Variants in GRID2 observed in about 807,000 individuals in gnomAD.
GRID2 encodes the protein glutamate ionotropic receptor delta type subunit 2.
GRID2 carries 33 observed loss-of-function variants against 114.8 expected under a neutral mutation model. That is an observed-to-expected ratio of 0.29 (90% CI 0.22 to 0.38). The LOEUF (loss-of-function observed/expected upper bound fraction) is 0.38, where lower values mean the gene tolerates loss of function less well. Ranked by LOEUF, GRID2 falls within the 10% of genes least tolerant of loss-of-function variation. GRID2 has a pLI of 1.00. For synonymous variants in GRID2, 505 were observed against 449.9 expected (o/e 1.12, Z -1.55); for missense variants, 1,184 against 1,257.7 (o/e 0.94, Z 0.89).
At chr4:93,366,278 A>G (rs968875737) in intron 8 of GRID2, among the ~76,000 whole-genome samples, 3 of 152,132 alleles carry the variant, frequency 2.0e-5, no homozygotes, top group African/African-American at 7.2e-5. Flanking sequence ...AGCATGGAAC[A>G]TCCCTGAGAA....
chr4:92,441,460 C>T (rs1231157047), intron 1 of GRID2, among the ~76,000 whole-genome samples: 9 of 152,046 alleles, frequency 5.9e-5, no homozygotes, highest in Admixed American at 3.3e-4. Flanking sequence ...AGATATAGAA[C>T]AGAATAATGG....
intron 8 of GRID2, among the ~76,000 whole-genome samples, chr4:93,389,033 G>A (rs950619431): frequency 1.3e-5 from 2 of 152,132 alleles, no homozygotes; most frequent in Admixed American, 1.3e-4. Context: ...GATCTAAATT[G>A]CAATAGAGAT....
At chr4:93,326,542 T>C (rs908857357) in intron 8 of GRID2, among the ~76,000 whole-genome samples, 4 of 151,698 alleles carry the variant, frequency 2.6e-5, no homozygotes, top group Admixed American at 2.0e-4. Flanking sequence ...ACTTCTCCAA[T>C]AGAAGGGGAG....
At chr4:92,432,882 T>A (rs1732532989) in intron 1 of GRID2, among the ~76,000 whole-genome samples, 1 of 152,032 alleles carries the variant, frequency 6.6e-6, no homozygotes, top group African/African-American at 2.4e-5. Context: ...GGGTACTAGG[T>A]CTCCCCCAAG....
At chr4:92,398,943 A>G (rs1730642024) in intron 1 of GRID2, among the ~76,000 whole-genome samples, 1 of 152,212 alleles carries the variant, frequency 6.6e-6, no homozygotes, top group Non-Finnish European at 1.5e-5. Flanking sequence ...AGATAGTCTC[A>G]TAAAGTCCGT....
At chr4:92,589,343 A>G (rs1728602782) in intron 1 of GRID2, among the ~76,000 whole-genome samples, 1 of 152,244 alleles carries the variant, frequency 6.6e-6, no homozygotes, top group Non-Finnish European at 1.5e-5. Context: ...TGTGAGGTGT[A>G]GAATTTGAGC....
chr4:92,513,459 C>G (rs953677090), intron 1 of GRID2, among the ~76,000 whole-genome samples: 2 of 151,878 alleles, frequency 1.3e-5, no homozygotes, highest in Middle Eastern at 3.2e-3. Context: ...TCTTTGCACA[C>G]AGGGCCACCT....
At chr4:92,370,556 CAGA>C (rs1473240496) in intron 1 of GRID2, among the ~76,000 whole-genome samples, 1 of 151,946 alleles carries the variant, frequency 6.6e-6, no homozygotes, top group Non-Finnish European at 1.5e-5. Context: ...GAGGCTGAGG[CAGA>C]AGAATTGCTT....
At chr4:93,163,565 T>G (rs1737961505) in intron 4 of GRID2, among the ~76,000 whole-genome samples, 1 of 122,770 alleles carries the variant, frequency 8.1e-6, no homozygotes, top group Non-Finnish European at 1.6e-5. Flanking sequence ...CACTTGCCAG[T>G]TTTTTTTTTT....
intron 14 of GRID2, among the ~76,000 whole-genome samples, chr4:93,670,967 A>G (rs750025099): frequency 1.2e-4 from 18 of 152,176 alleles, no homozygotes; most frequent in Non-Finnish European, 2.2e-4. Context: ...ACATAGGACT[A>G]TATCAGTATC....
intron 14 of GRID2, among the ~76,000 whole-genome samples, chr4:93,698,968 C>G (rs1013332798): frequency 3.9e-5 from 6 of 152,066 alleles, no homozygotes; most frequent in African/African-American, 1.4e-4. Context: ...GTGACCATGA[C>G]AGTTTCTGTT....
intron 14 of GRID2, among the ~76,000 whole-genome samples, chr4:93,685,726 C>G (rs1357010392): frequency 6.6e-6 from 1 of 152,020 alleles, no homozygotes; most frequent in African/African-American, 2.4e-5. Context: ...CAACTTTTCT[C>G]TACCAAGTTT....
intron 4 of GRID2, among the ~76,000 whole-genome samples, chr4:93,159,367 A>G (rs1273348318): frequency 1.3e-5 from 2 of 151,974 alleles, no homozygotes; most frequent in African/African-American, 4.8e-5. Flanking sequence ...GAAAAGCAAC[A>G]TAAGATTATT....
At chr4:92,315,965 C>A in intron 1 of GRID2, among the ~76,000 whole-genome samples, 1 of 67,068 alleles carries the variant, frequency 1.5e-5, no homozygotes. Flanking sequence ...AGTGAAACTC[C>A]AACTCAAAAA....
chr4:93,063,054 T>G (rs1727942046), intron 2 of GRID2, among the ~76,000 whole-genome samples: 1 of 151,938 alleles, frequency 6.6e-6, no homozygotes, highest in Non-Finnish European at 1.5e-5. Context: ...CTGCATTCTG[T>G]TTCAAGACTC....
At chr4:92,405,439 T>G (rs1730981521) in intron 1 of GRID2, among the ~76,000 whole-genome samples, 1 of 152,152 alleles carries the variant, frequency 6.6e-6, no homozygotes, top group African/African-American at 2.4e-5. Context: ...TTTTATGTAA[T>G]TACCAATTTT....
intron 2 of GRID2, among the ~76,000 whole-genome samples, chr4:92,959,891 A>T (rs1441338748): frequency 6.6e-6 from 1 of 151,988 alleles, no homozygotes; most frequent in Non-Finnish European, 1.5e-5. Flanking sequence ...GCATTAGGAG[A>T]AATACCTAAT....
intron 14 of GRID2, among the ~76,000 whole-genome samples, chr4:93,747,567 A>T (rs1243800608): frequency 6.6e-6 from 1 of 152,174 alleles, no homozygotes; most frequent in Non-Finnish European, 1.5e-5. Context: ...AATGGGGGAC[A>T]CTTTGTGAAA....
chr4:92,994,491 T>A (rs1755084162), intron 2 of GRID2, among the ~76,000 whole-genome samples: 1 of 151,934 alleles, frequency 6.6e-6, no homozygotes, highest in Non-Finnish European at 1.5e-5. Flanking sequence ...TAGGGGAATT[T>A]TTTTGTATTT....
Sources: allele counts gnomAD v4.1 joint callset (sites outside exome capture counted in the v4.1 genomes callset), GRCh38; gene constraint gnomAD v4.1.1; transcripts MANE v1.5; gene names NCBI Gene and HGNC (gene_info 2026-07-23, HGNC 2026-07-21).